The following NEDD1 variants were observed in gnomAD, a reference collection of about 807,000 sequenced individuals.
The protein encoded by NEDD1 is NEDD1 gamma-tubulin ring complex targeting factor.
Under a neutral mutation model 74.0 loss-of-function variants are expected in NEDD1, and 33 were observed. The observed-to-expected ratio is 0.45, with a 90% confidence interval of 0.34 to 0.60. The LOEUF (loss-of-function observed/expected upper bound fraction) is 0.60. NEDD1 is among the 20% of genes least tolerant of loss of function. The probability of loss-of-function intolerance (pLI) is 0.01; values close to 1 mark genes in which losing one functional copy is unlikely to be tolerated. For missense variants in NEDD1, 746 were observed against 776.5 expected (o/e 0.96, Z 0.47); for synonymous variants, 250 against 264.4 (o/e 0.95, Z 0.53).
intron 5 of NEDD1, among the ~76,000 whole-genome samples, chr12:96,919,354 A>G (rs138059932): frequency 2.0e-4 from 30 of 152,266 alleles, no homozygotes; most frequent in African/African-American, 5.8e-4. Flanking sequence ...TGTCTCATGT[A>G]CTTCATTTAT....
In NEDD1 at chr12:96,934,880, T is replaced by G. The variant is rs1876925191; in HGVS notation, c.490-96T>G. Reference sequence around the variant, plus strand: ...CACATCAGAGAAATCCTAAACCCCATGTGAATAGTGTGGTTGGCCATAATT... The same window carrying G: ...CACATCAGAGAAATCCTAAACCCCAGGTGAATAGTGTGGTTGGCCATAATT... On this transcript the variant is annotated intron_variant, in intron 6 of 15. Coordinates refer to ENST00000266742, the MANE Select transcript of NEDD1 (RefSeq NM_152905.4). The G allele has an allele frequency of 5.1e-6, 4 of 777,932 alleles. No individual in the cohort carries two copies. In the Middle Eastern group the frequency reaches 9.1e-4, roughly 176 times the overall value. 48.2% of individuals were successfully genotyped at this position (777,932 alleles called of 1,614,324 possible). A position where few individuals can be genotyped will look rare whatever the true frequency, so the allele number is the denominator to read the frequency against.
intron 4 of NEDD1, among the ~76,000 whole-genome samples, chr12:96,916,805 C>G (rs1190990554): frequency 6.6e-6 from 1 of 152,082 alleles, no homozygotes; most frequent in African/African-American, 2.4e-5. Flanking sequence ...AAAGTCCACC[C>G]TACTTATGAA....
At chr12:96,939,213 G>C (rs79115305) in intron 9 of NEDD1, among the ~76,000 whole-genome samples, 1,526 of 151,996 alleles carry the variant, frequency 0.01, 69 homozygotes, top group East Asian at 0.095. Context: ...CTTGTTATTG[G>C]TACTTAGTTT....
At chr12:96,914,780 G>A (rs557152220) in intron 4 of NEDD1, among the ~76,000 whole-genome samples, 316 of 152,210 alleles carry the variant, frequency 2.1e-3, no homozygotes, top group Non-Finnish European at 2.8e-3. Flanking sequence ...TGCACCTTGA[G>A]CAGTTCAGGA....
In NEDD1 at chr12:96,947,765, C is replaced by T. The variant is rs113808367; in HGVS notation, c.1811+1916C>T. On this transcript the variant is annotated intron_variant, in intron 14 of 15. Transcript: ENST00000266742. The stretch of plus-strand genomic sequence containing the variant: ...CACTATCTAACCTGTTCCTGGCTTT[C>T]TGTGCCTCAGGAGAAGTGTGTCTGT... 9.6e-3 allele frequency among the ~76,000 whole-genome samples: 1,455 copies of T among 152,284 alleles called. 26 individuals are homozygous for T. The highest frequency in any genetic ancestry group is 0.033 in the African/African-American group (1,366 of 41,554).
intron 4 of NEDD1, among the ~76,000 whole-genome samples, chr12:96,915,569 G>A (rs748148147): frequency 6.6e-6 from 1 of 152,180 alleles, no homozygotes; most frequent in Non-Finnish European, 1.5e-5. Context: ...AACTTTTCTT[G>A]AAGTCATGAA....
At chr12:96,923,623 G>A (rs1875349797) in intron 6 of NEDD1, among the ~76,000 whole-genome samples, 2 of 152,162 alleles carry the variant, frequency 1.3e-5, no homozygotes, top group South Asian at 4.1e-4. Context: ...TGCCTCTTGT[G>A]AAGTGACTGT....
intron 8 of NEDD1, 51 bp downstream of exon 8, chr12:96,936,863 C>G: frequency 8.8e-7 from 1 of 1,141,596 alleles, no homozygotes; most frequent in Non-Finnish European, 1.3e-6. Context: ...AAATCTAACT[C>G]AGAATATGGA....
Position 96,953,398 on chromosome 12 carries a change from G to A in NEDD1, c.*1345G>A, listed in dbSNP as rs997986355. ...CATTTGTACTGAAGCATATAGGGATGTTAATGTGATCTTTTCCTGACAGAT... is the reference window on the plus strand; with the variant it reads ...CATTTGTACTGAAGCATATAGGGATATTAATGTGATCTTTTCCTGACAGAT... On this transcript the variant is annotated 3_prime_UTR_variant, in exon 16 of 16. Transcript: ENST00000266742. 1.3e-5 allele frequency: 2 copies of A among 151,702 alleles called. No individual in the cohort carries two copies. Among genetic ancestry groups the A allele is most frequent in the South Asian group, 2.1e-4 (1 of 4,826 alleles). The allele number at this position is 151,702 out of a possible 1,614,324, so 9.4% of individuals were successfully genotyped here.
intron 6 of NEDD1, among the ~76,000 whole-genome samples, chr12:96,928,366 G>A (rs1291291312): frequency 6.6e-6 from 1 of 151,996 alleles, no homozygotes; most frequent in African/African-American, 2.4e-5. Flanking sequence ...TAATAAATGA[G>A]CACATGTTAA....
chr12:96,945,931 T>C (rs1462761074), intron 14 of NEDD1, 82 bp downstream of exon 14: 21 of 825,096 alleles, frequency 2.5e-5, no homozygotes, highest in Non-Finnish European at 3.1e-5. Context: ...TAGATAATGT[T>C]GTTGGTTACT....
chr12:96,926,989 TG>T (rs1254327653), intron 6 of NEDD1, among the ~76,000 whole-genome samples: 504 of 5,030 alleles, frequency 0.1, 1 homozygote, highest in South Asian at 0.2. Context: ...AAAAAAAAAT[TG>T]TGTGTGTGTG....
chr12:96,914,070 T>C (rs1018627219), intron 4 of NEDD1, among the ~76,000 whole-genome samples: 1 of 152,186 alleles, frequency 6.6e-6, no homozygotes, highest in Admixed American at 6.5e-5. Context: ...ACAGTAGAAA[T>C]GGAGTTTGAG....
At chr12:96,913,279 C>T (rs944766325) in intron 4 of NEDD1, among the ~76,000 whole-genome samples, 2 of 152,168 alleles carry the variant, frequency 1.3e-5, no homozygotes, top group African/African-American at 4.8e-5. Flanking sequence ...GTCTGAGCCT[C>T]CCCCATACTC....
At position 96,935,212 on chromosome 12, in the gene NEDD1, G is replaced by A; in HGVS notation, c.719+7G>A. 2.1e-6 allele frequency: 3 copies of A among 1,407,386 alleles called. No individual in the cohort carries two copies. The highest frequency in any genetic ancestry group is 1.8e-4 in the Middle Eastern group (1 of 5,652). The allele number at this position is 1,407,386 out of a possible 1,614,324, so 87.2% of individuals were successfully genotyped here. A position where few individuals can be genotyped will look rare whatever the true frequency, so the allele number is the denominator to read the frequency against. On this transcript the variant is annotated splice_region_variant and intron_variant, in intron 7 of 15. Coordinates refer to ENST00000266742, the MANE Select transcript of NEDD1 (RefSeq NM_152905.4). ...ATGACACTTCAAGTAAGAAGTAAGT[G>A]TGACATGCTTATTTCTTAATTTAGT...
At chr12:96,943,400 A>G (rs1565810859) in intron 11 of NEDD1, among the ~76,000 whole-genome samples, 160 bp from the exon 12 acceptor site, 1 of 152,142 alleles carries the variant, frequency 6.6e-6, no homozygotes, top group Non-Finnish European at 1.5e-5. Flanking sequence ...TTTGCCCAAA[A>G]ATACACATCA....
Position 96,936,697 on chromosome 12 carries a change from G to A in NEDD1, c.806G>A (p.Arg269Gln), listed in dbSNP as rs748497881. The A allele has an allele frequency of 9.9e-6, 16 of 1,612,812 alleles. No homozygotes were observed. Among genetic ancestry groups the A allele is most frequent in the Non-Finnish European group, 9.3e-6 (11 of 1,178,896 alleles). ...DGATLAIGSS[R>Q]GKIYQYDLRM... ...GCCACTTTGGCTATTGGATCTTCCC[G>A]GGGGAAAATATATCAATATGATTTA... Residue 269 changes from arginine (R) to glutamine (Q), a missense_variant, in exon 8 of 16, where the codon CGG becomes CAG. By Grantham distance (43) the Arg-to-Gln change is conservative. Around this residue, in one of 3 missense-constraint regions of NEDD1, gnomAD observed 706 missense variants for 706.7 expected, o/e 1.00. Transcript: ENST00000266742.
At chr12:96,909,635 T>C (rs1873691024) in intron 2 of NEDD1, 117 bp from the exon 3 acceptor site, 4 of 784,514 alleles carry the variant, frequency 5.1e-6, no homozygotes, top group Non-Finnish European at 8.1e-6. Context: ...GTGACTGCAC[T>C]GTTTGGAACA....
At chr12:96,912,482 T>TA in intron 3 of NEDD1, 1 of 328,034 alleles carries the variant, frequency 3.0e-6, no homozygotes, top group Non-Finnish European at 5.5e-6. Flanking sequence ...TCACGTGGGT[T>TA]AAATAGCTTT....
Sources: gnomAD v4.1 joint callset for allele counts (sites outside exome capture counted in the v4.1 genomes callset) on GRCh38, gnomAD v4.1.1 for gene constraint, gnomAD v4.1.1 regional missense constraint, MANE v1.5 for transcripts, NCBI Gene and HGNC (gene_info 2026-07-23, HGNC 2026-07-21) for gene names.